The following SDK1 variants were observed in gnomAD, a reference collection of about 807,000 sequenced individuals.
SDK1 encodes the protein sidekick cell adhesion molecule 1.
Under a neutral mutation model 245.5 loss-of-function variants are expected in SDK1, and 157 were observed. That is an observed-to-expected ratio of 0.64 (90% confidence interval 0.56 to 0.73). The LOEUF (loss-of-function observed/expected upper bound fraction) is 0.73. Ranked by LOEUF, SDK1 falls within the 30% of genes least tolerant of loss-of-function variation. The pLI is 0.00. For missense variants in SDK1, 3,583 were observed against 3,002.3 expected (o/e 1.19, Z -4.52); for synonymous variants, 1,647 against 1,278.5 (o/e 1.29, Z -6.15).
intron 7 of SDK1, among the ~76,000 whole-genome samples, chr7:3,954,984 C>G (rs969391408): frequency 2.0e-5 from 3 of 151,826 alleles, no homozygotes; most frequent in Admixed American, 2.0e-4. Flanking sequence ...TGGGGTAAGA[C>G]AAGGATGCCC....
At chr7:3,498,100 T>C (rs1381800346) in intron 1 of SDK1, among the ~76,000 whole-genome samples, 1 of 152,228 alleles carries the variant, frequency 6.6e-6, no homozygotes, top group Non-Finnish European at 1.5e-5. Context: ...TACATTTAAT[T>C]TGAAGTTTCA....
intron 40 of SDK1, among the ~76,000 whole-genome samples, chr7:4,226,157 C>T (rs866525687): frequency 6.6e-6 from 1 of 152,218 alleles, no homozygotes; most frequent in Admixed American, 6.5e-5. Context: ...CACCGAAGCT[C>T]CCTGGCAAGA....
chr7:3,447,026 GTTTCTATTTT>G (rs1440456269), intron 1 of SDK1, among the ~76,000 whole-genome samples: 1 of 152,062 alleles, frequency 6.6e-6, no homozygotes, highest in Non-Finnish European at 1.5e-5. Flanking sequence ...TGGGCTTTAG[GTTTCTATTTT>G]TGTGCAAGGG....
At position 3,427,506 on chromosome 7, in the gene SDK1, C is replaced by A. The variant is rs1450712732; in HGVS notation, c.298+125622C>A. Among the ~76,000 whole-genome samples, 6 of 135,258 alleles carry A rather than the reference C, an allele frequency of 4.4e-5. No individual in the cohort carries two copies. The East Asian group carries it at 1.0e-3, about 23-fold the overall frequency. 88.7% of individuals were successfully genotyped at this position (135,258 alleles called of 152,430 possible). On this transcript the variant is annotated intron_variant, in intron 1 of 44. Coordinates refer to ENST00000404826, the MANE Select transcript of SDK1 (RefSeq NM_152744.4). ...TGGACTGCAGCCTGGGTGAGAAGAG[C>A]GAAGCTCCATCTCCCAAAAAAAAAA...
At chr7:3,697,281 A>C (rs1443433930) in intron 4 of SDK1, among the ~76,000 whole-genome samples, 2 of 152,212 alleles carry the variant, frequency 1.3e-5, no homozygotes, top group African/African-American at 4.8e-5. Flanking sequence ...AAATTTGTGT[A>C]GTGCTAATTA....
chr7:3,703,249 T>G (rs1039289224), intron 4 of SDK1, among the ~76,000 whole-genome samples: 1 of 152,176 alleles, frequency 6.6e-6, no homozygotes, highest in Non-Finnish European at 1.5e-5. Flanking sequence ...TTACAAATTA[T>G]GGTGCATTCA....
At chr7:3,787,989 G>C (rs192194582) in intron 4 of SDK1, among the ~76,000 whole-genome samples, 2 of 152,154 alleles carry the variant, frequency 1.3e-5, no homozygotes, top group African/African-American at 4.8e-5. Flanking sequence ...TAGAGAGCCC[G>C]TGGGAGGACC....
chr7:3,466,917 C>G (rs756420290), intron 1 of SDK1, among the ~76,000 whole-genome samples: 8 of 149,048 alleles, frequency 5.4e-5, no homozygotes, highest in Non-Finnish European at 1.0e-4. Flanking sequence ...TACAAACCAT[C>G]CAATTCTTTT....
At chr7:4,139,053 C>T (rs1779285915) in intron 28 of SDK1, among the ~76,000 whole-genome samples, 1 of 152,268 alleles carries the variant, frequency 6.6e-6, no homozygotes, top group Admixed American at 6.5e-5. Context: ...GCAGCTCCCC[C>T]CGTGTCATGT....
At chr7:3,748,801 C>T (rs912330664) in intron 4 of SDK1, among the ~76,000 whole-genome samples, 1 of 152,280 alleles carries the variant, frequency 6.6e-6, no homozygotes, top group South Asian at 2.1e-4. Context: ...CCTATAATTA[C>T]TATACATAAA....
intron 31 of SDK1, among the ~76,000 whole-genome samples, chr7:4,161,241 G>A (rs910278085): frequency 4.6e-4 from 70 of 152,184 alleles, no homozygotes; most frequent in African/African-American, 1.6e-3. Flanking sequence ...TGTCCCTCCA[G>A]AGAGCAGAGC....
chr7:3,457,700 T>C (rs139168331), intron 1 of SDK1, among the ~76,000 whole-genome samples: 1 of 152,280 alleles, frequency 6.6e-6, no homozygotes, highest in Admixed American at 6.5e-5. Context: ...GATCTTCCTC[T>C]AAGAGCTACA....
intron 14 of SDK1, among the ~76,000 whole-genome samples, chr7:3,997,548 C>T (rs1784773086): frequency 1.3e-5 from 2 of 152,106 alleles, no homozygotes; most frequent in African/African-American, 4.8e-5. Flanking sequence ...AGAGAGAAGG[C>T]CTTGGAGAGG....
intron 4 of SDK1, among the ~76,000 whole-genome samples, chr7:3,694,071 T>C (rs1784507450): frequency 6.6e-6 from 1 of 152,192 alleles, no homozygotes; most frequent in Non-Finnish European, 1.5e-5. Context: ...TTATGATTTA[T>C]GATTATACCT....
intron 1 of SDK1, among the ~76,000 whole-genome samples, chr7:3,372,419 CA>C (rs1781250840): frequency 6.6e-6 from 1 of 152,146 alleles, no homozygotes; most frequent in Non-Finnish European, 1.5e-5. Context: ...ATGAAAAGCA[CA>C]AGCAATAAAA....
intron 1 of SDK1, among the ~76,000 whole-genome samples, chr7:3,560,677 C>G (rs1334509045): frequency 6.6e-6 from 1 of 152,136 alleles, no homozygotes; most frequent in East Asian, 1.9e-4. Flanking sequence ...CCCTTCTCAG[C>G]ACTCTCCAGT....
chr7:3,771,302 C>T (rs1350344193), intron 4 of SDK1, among the ~76,000 whole-genome samples: 1 of 152,130 alleles, frequency 6.6e-6, no homozygotes, highest in African/African-American at 2.4e-5. Flanking sequence ...AAGCCATCAC[C>T]TCACTTGCGT....
chr7:3,887,268 C>G (rs972649319), intron 5 of SDK1, among the ~76,000 whole-genome samples: 6 of 152,148 alleles, frequency 3.9e-5, no homozygotes, highest in African/African-American at 1.4e-4. Flanking sequence ...TTGGACCTTT[C>G]ACTAATTCAC....
At chr7:3,711,560 G>A (rs1399617381) in intron 4 of SDK1, among the ~76,000 whole-genome samples, 1 of 152,208 alleles carries the variant, frequency 6.6e-6, no homozygotes. Context: ...CTAAGTATAA[G>A]AAGGAGCCAG....
Sources: allele counts gnomAD v4.1 joint callset (sites outside exome capture counted in the v4.1 genomes callset), GRCh38; gene constraint gnomAD v4.1.1; transcripts MANE v1.5; gene names NCBI Gene and HGNC (gene_info 2026-07-23, HGNC 2026-07-21).